LRBA: variants seen among roughly 807,000 people sequenced by gnomAD.
LRBA encodes the protein lipopolysaccharide-responsive and beige-like anchor protein.
LRBA carries 176 observed loss-of-function variants against 330.0 expected under a neutral mutation model. That is an observed-to-expected ratio of 0.53 (90% CI 0.47 to 0.60). The LOEUF is 0.60. LRBA is among the 20% of genes least tolerant of loss of function. The pLI is 0.00. For synonymous variants in LRBA, 1,230 were observed against 1,193.0 expected, an observed-to-expected ratio of 1.03 and a Z score of -0.64; for missense variants, 3,259 against 3,444.8, an observed-to-expected ratio of 0.95 and a Z score of 1.35.
rs1228224103 is a variant in LRBA, at chr4:150,373,166, TGTGTGTGAGA to T, written c.7195-23017_7195-23008del. 2.6e-3 allele frequency among the ~76,000 whole-genome samples: 324 copies of T among 122,280 alleles called. 1 individual carries two copies. The highest frequency in any genetic ancestry group is 8.0e-3 in the African/African-American group (275 of 34,560). The allele number at this position is 122,280 out of a possible 152,430, so 80.2% of individuals were successfully genotyped here. Reference sequence around the variant, plus strand: ...GTGTGTGTGTGTGTGTGTGTGTGTGTGTGTGTGAGAGAGAGAGAGAGAGAGAGAGAGAGAG... The same window carrying T: ...GTGTGTGTGTGTGTGTGTGTGTGTGTGAGAGAGAGAGAGAGAGAGAGAGAG... On this transcript the variant is annotated intron_variant, in intron 47 of 56. Coordinates refer to ENST00000651943, the MANE Select transcript of LRBA (RefSeq NM_001364905.1).
At chr4:150,557,173 T>C (rs931579801) in intron 40 of LRBA, among the ~76,000 whole-genome samples, 2 of 151,962 alleles carry the variant, frequency 1.3e-5, no homozygotes, top group African/African-American at 4.8e-5. Flanking sequence ...AAAAAAAACA[T>C]AAGAACAAGC....
chr4:150,868,418 A>C (rs889117184), intron 20 of LRBA, 113 bp from the exon 21 acceptor site: 2 of 568,920 alleles, frequency 3.5e-6, no homozygotes, highest in East Asian at 3.0e-5. Context: ...GTCTACCAAA[A>C]ACATCCTCTT....
At chr4:150,405,185 G>A (rs1420379598) in intron 47 of LRBA, among the ~76,000 whole-genome samples, 1 of 152,168 alleles carries the variant, frequency 6.6e-6, no homozygotes, top group Non-Finnish European at 1.5e-5. Context: ...CTAAAAGAAA[G>A]CAAAGGAATG....
At chr4:150,530,487 T>G (rs761372417) in intron 40 of LRBA, among the ~76,000 whole-genome samples, 5 of 152,206 alleles carry the variant, frequency 3.3e-5, no homozygotes. Context: ...TGGTTAGACT[T>G]GGAATAATTT....
At chr4:151,001,660 G>A (rs1412112678) in intron 2 of LRBA, among the ~76,000 whole-genome samples, 1 of 152,028 alleles carries the variant, frequency 6.6e-6, no homozygotes, top group Non-Finnish European at 1.5e-5. Flanking sequence ...ACACCACTCA[G>A]GATCCAGTGG....
chr4:150,287,839 A>T (rs778686402), intron 53 of LRBA, among the ~76,000 whole-genome samples: 35 of 152,212 alleles, frequency 2.3e-4, no homozygotes, highest in Non-Finnish European at 2.8e-4. Flanking sequence ...ACTTACCTTA[A>T]TTAGAAAGTT....
chr4:150,730,404 C>T lies in LRBA; in HGVS notation c.5754+4854G>A, dbSNP rs1035380747. On this transcript the variant is annotated intron_variant, in intron 36 of 56. Transcript: ENST00000651943. ...CAGGCACATGAAAAGGTGTTCAGGC[C>T]GGGTGCAGTGGCTCATGTCTGTAAT... Among the ~76,000 whole-genome samples, 6 of 152,168 alleles carry T rather than the reference C, an allele frequency of 3.9e-5. No homozygotes were observed. The Middle Eastern group carries it at 0.01, about 259-fold the overall frequency.
At chr4:150,909,930 A>T (rs1323234314) in intron 9 of LRBA, among the ~76,000 whole-genome samples, 1 of 152,160 alleles carries the variant, frequency 6.6e-6, no homozygotes, top group African/African-American at 2.4e-5. Flanking sequence ...GCATCTTTTC[A>T]TATGTTCATT....
intron 2 of LRBA, among the ~76,000 whole-genome samples, chr4:150,979,710 T>C (rs991292875): frequency 6.6e-6 from 1 of 152,172 alleles, no homozygotes; most frequent in Non-Finnish European, 1.5e-5. Flanking sequence ...AGTTATAAGA[T>C]AGTATTTGCA....
At chr4:151,015,066 C>CT in intron 1 of LRBA, 136 bp downstream of exon 1, 1 of 163,586 alleles carries the variant, frequency 6.1e-6, no homozygotes, top group Non-Finnish European at 1.3e-5. Flanking sequence ...CTCCCCCACT[C>CT]TCGTGCAGGT....
At chr4:150,684,026 G>T in intron 36 of LRBA, 1 of 226,486 alleles carries the variant, frequency 4.4e-6, no homozygotes, top group Non-Finnish European at 8.6e-6. Context: ...AAGTGAAGTT[G>T]CAAAGGACTT....
chr4:150,463,972 T>C (rs1755109803), intron 44 of LRBA, among the ~76,000 whole-genome samples: 1 of 148,752 alleles, frequency 6.7e-6, no homozygotes, highest in African/African-American at 2.5e-5. Context: ...GAACTTTTGG[T>C]CAGGTACAAA....
intron 47 of LRBA, among the ~76,000 whole-genome samples, chr4:150,390,163 T>C (rs1743718338): frequency 6.6e-6 from 1 of 152,164 alleles, no homozygotes; most frequent in Non-Finnish European, 1.5e-5. Flanking sequence ...TCTCCAGCAG[T>C]TGAAATGTTT....
chr4:150,393,407 A>T (rs1249197039), intron 47 of LRBA, among the ~76,000 whole-genome samples: 1 of 149,964 alleles, frequency 6.7e-6, no homozygotes, highest in Non-Finnish European at 1.5e-5. Context: ...CCCCACCTCT[A>T]CAATTCTAGA....
At chr4:150,719,705 C>T (rs1488012419) in intron 36 of LRBA, among the ~76,000 whole-genome samples, 1 of 152,038 alleles carries the variant, frequency 6.6e-6, no homozygotes, top group Non-Finnish European at 1.5e-5. Flanking sequence ...TTCTTAACGC[C>T]TTCAAATACA....
intron 2 of LRBA, among the ~76,000 whole-genome samples, chr4:150,995,952 G>C (rs886139903): frequency 2.6e-5 from 4 of 151,964 alleles, no homozygotes; most frequent in Non-Finnish European, 5.9e-5. Flanking sequence ...ATGAAGTAGG[G>C]AGAGTCTTCA....
chr4:150,880,520 CAA>C lies in LRBA; in HGVS notation c.2166-7767_2166-7766del, dbSNP rs35835464. On this transcript the variant is annotated intron_variant, in intron 17 of 56. Transcript: ENST00000651943. ...GGGAAACAGAGCAATACCCTGTCTC[CAA>C]AAAAAAAAAAAAAAACCTTTTAGCT... 3.0e-3 allele frequency among the ~76,000 whole-genome samples: 338 copies of C among 112,852 alleles called. 1 individual carries two copies. Among genetic ancestry groups the C allele is most frequent in the South Asian group, 7.6e-3 (28 of 3,706 alleles). 74.0% of individuals were successfully genotyped at this position (112,852 alleles called of 152,430 possible). A position where few individuals can be genotyped will look rare whatever the true frequency, so the allele number is the denominator to read the frequency against.
At chr4:150,777,065 T>TC (rs753650757) in intron 34 of LRBA, among the ~76,000 whole-genome samples, 1 of 100,522 alleles carries the variant, frequency 9.9e-6, no homozygotes, top group African/African-American at 6.3e-5. Context: ...TTTTGAGGGG[T>TC]TTTGTTGTTG....
intron 2 of LRBA, among the ~76,000 whole-genome samples, chr4:150,972,307 T>C (rs529867525): frequency 3.7e-4 from 57 of 152,156 alleles, no homozygotes; most frequent in African/African-American, 1.2e-3. Flanking sequence ...GGGGAGGAGA[T>C]GTAAAATGAT....
Sources: gnomAD v4.1 joint callset for allele counts (sites outside exome capture counted in the v4.1 genomes callset) on GRCh38, gnomAD v4.1.1 for gene constraint, MANE v1.5 for transcripts, NCBI Gene and HGNC (gene_info 2026-07-23, HGNC 2026-07-21) for gene names.